Variants in PUS3 observed in about 807,000 individuals in gnomAD.
PUS3 encodes pseudouridine synthase 3.
In PUS3, 36 loss-of-function variants were observed where a neutral mutation model predicts 43.3. That is an observed-to-expected ratio of 0.83 (90% confidence interval 0.64 to 1.10). The LOEUF is 1.10. PUS3 is among the 50% of genes least tolerant of loss of function. The pLI is 0.00. For missense variants in PUS3, 544 were observed against 589.9 expected, an observed-to-expected ratio of 0.92 and a Z score of 0.81; for synonymous variants, 183 against 199.2, an observed-to-expected ratio of 0.92 and a Z score of 0.69.
intron 1 of PUS3, chr11:125,900,648 GA>G: frequency 7.6e-6 from 2 of 262,898 alleles, no homozygotes; most frequent in Admixed American, 5.2e-5. Flanking sequence ...GGAAATTCAT[GA>G]ACTTGAACAT....
At chr11:125,902,107 T>G (rs1944788638) in intron 1 of PUS3, among the ~76,000 whole-genome samples, 2 of 152,092 alleles carry the variant, frequency 1.3e-5, no homozygotes, top group South Asian at 4.2e-4. Context: ...TAAGGCAGAT[T>G]TGTGGCAAAA....
At chr11:125,901,008 CAAAAAAAA>C (rs10533810) in intron 1 of PUS3, among the ~76,000 whole-genome samples, 1 of 125,652 alleles carries the variant, frequency 8.0e-6, no homozygotes, top group South Asian at 2.6e-4. Context: ...GACTCCGTCT[CAAAAAAAA>C]AAAAAAAAAA....
At chr11:125,895,084 T>A (rs1436108390) in intron 3 of PUS3, 140 bp downstream of exon 3, 2 of 539,516 alleles carry the variant, frequency 3.7e-6, no homozygotes, top group Non-Finnish European at 3.1e-6. Flanking sequence ...TCTCCCTCTG[T>A]CACCCATGCT....
At chr11:125,902,384 A>C (rs866702703) in intron 1 of PUS3, among the ~76,000 whole-genome samples, 1 of 39,806 alleles carries the variant, frequency 2.5e-5, no homozygotes, top group Admixed American at 2.7e-4. Context: ...GGCGGGGGGG[A>C]GGGGGGGTCG....
In PUS3 at chr11:125,895,571, G is replaced by A; in HGVS notation, c.597C>T (p.Phe199=). Residue 199 remains phenylalanine (F), a synonymous_variant, in exon 3 of 4, where the codon TTC becomes TTT. Coordinates refer to ENST00000227474, the MANE Select transcript of PUS3 (RefSeq NM_031307.4). ...TTACAATATCTAAATCAGCACGAGG[G>A]AAAAAATAGCGGTAAGTCCGCTCAA... The part of the protein sequence containing the change: ...SCLERTYRYF[F]PRADLDIVTM... The A allele has an allele frequency of 6.2e-7, 1 of 1,614,202 alleles. No homozygotes were observed. Among genetic ancestry groups the A allele is most frequent in the African/African-American group, 1.3e-5 (1 of 75,064 alleles).
chr11:125,902,567 C>T (rs1471316754), intron 1 of PUS3, among the ~76,000 whole-genome samples: 1 of 147,386 alleles, frequency 6.8e-6, no homozygotes, highest in Non-Finnish European at 1.5e-5. Flanking sequence ...GAGCAGTGAT[C>T]ACGCCACTTC....
In PUS3 at chr11:125,893,912, T is replaced by C. The variant is rs192021619; in HGVS notation, c.1319A>G (p.His440Arg). ...TTTTGTTTCTTCCTCATGGAATAAA[T>C]GTGGGTGCTCAATTCGTCCCCTACG... is the stretch of plus-strand genomic sequence containing the variant. Reference protein sequence around the residue: ...FVRRGRIEHPHLFHEEETKAK... With the variant: ...FVRRGRIEHPRLFHEEETKAK... Residue 440 changes from histidine to arginine, a missense_variant, in exon 4 of 4, where the codon CAT becomes CGT. Transcript: ENST00000227474. The C allele has an allele frequency of 1.1e-5, 18 of 1,614,172 alleles. No individual in the cohort carries two copies. The East Asian group carries it at 3.8e-4, about 34-fold the overall frequency.
At chr11:125,901,206 A>C (rs1358068681) in intron 1 of PUS3, among the ~76,000 whole-genome samples, 1 of 152,136 alleles carries the variant, frequency 6.6e-6, no homozygotes, top group Non-Finnish European at 1.5e-5. Context: ...TTTCAGAATT[A>C]TTTCATTAAT....
Position 125,893,519 on chromosome 11 carries a change from C to A in PUS3, c.*266G>T. On this transcript the variant is annotated 3_prime_UTR_variant, in exon 4 of 4. Coordinates refer to ENST00000227474, the MANE Select transcript of PUS3 (RefSeq NM_031307.4). ...GATTAGGCTTTAATGAATTTGAATA[C>A]AAGGCACAGGTTTCCAGGTGTATGT... The A allele has an allele frequency of 3.4e-6, 1 of 298,464 alleles. No homozygotes were observed. 18.5% of individuals were successfully genotyped at this position (298,464 alleles called of 1,614,324 possible). A position where few individuals can be genotyped will look rare whatever the true frequency, so the allele number is the denominator to read the frequency against.
intron 1 of PUS3, chr11:125,900,992 C>A (rs1944755549): frequency 1.7e-5 from 2 of 118,234 alleles, no homozygotes; most frequent in African/African-American, 6.7e-5. Flanking sequence ...GCCTGGGCGA[C>A]AGCGAGACTC....
In PUS3 at chr11:125,894,011, T is replaced by C. The variant is rs2134239936; in HGVS notation, c.1220A>G (p.Lys407Arg). The change falls in exon 4 of 4, where the codon AAG (lysine) becomes AGG (arginine). Residue 407 changes from lysine to arginine, a missense_variant. Physicochemically the swap from Lys to Arg is conservative, Grantham distance 26. Coordinates refer to ENST00000227474, the MANE Select transcript of PUS3 (RefSeq NM_031307.4). ...KQTSAFVEGV[K>R]MRTYKPLMDR... ...CATGAGGGGCTTATATGTGCGCATCTTCACTCCTTCTACAAAGGCACTGGT... is the reference window on the plus strand; with the variant it reads ...CATGAGGGGCTTATATGTGCGCATCCTCACTCCTTCTACAAAGGCACTGGT... 2 of 1,614,208 alleles carry C rather than the reference T, an allele frequency of 1.2e-6. No individual in the cohort carries two copies. Among genetic ancestry groups the C allele is most frequent in the Non-Finnish European group, 1.7e-6 (2 of 1,180,032 alleles).
rs141661676 is a variant in PUS3 at position 125,894,501 on chromosome 11, A to G, written c.945-215T>C. On this transcript the variant is annotated intron_variant, in intron 3 of 3. Transcript: ENST00000227474. ...AACAAATCATAGATCAACCTGATCT[A>G]TGTAAGGTAAATGTCAGTGCTAACA... Among the ~76,000 whole-genome samples the G allele has an allele frequency of 1.2e-4, 18 of 152,318 alleles. 1 individual carries two copies. The East Asian group carries it at 3.1e-3, about 26-fold the overall frequency.
intron 1 of PUS3, 111 bp from the exon 2 acceptor site, chr11:125,896,441 A>C: frequency 1.3e-6 from 1 of 755,526 alleles, no homozygotes; most frequent in Non-Finnish European, 2.1e-6. Context: ...TTGCTTTTCC[A>C]GGAATACAAG....
intron 1 of PUS3, among the ~76,000 whole-genome samples, chr11:125,902,239 A>G (rs1944793759): frequency 6.6e-6 from 1 of 152,138 alleles, no homozygotes; most frequent in Non-Finnish European, 1.5e-5. Context: ...AAGTAACCAC[A>G]GAGAGGGAAT....
chr11:125,899,717 G>A, intron 1 of PUS3: 1 of 1,614,174 alleles, frequency 6.2e-7, no homozygotes. Flanking sequence ...GATTATCAGT[G>A]AATCAGAATC....
chr11:125,894,629 G>T (rs1420474252), intron 3 of PUS3, among the ~76,000 whole-genome samples: 5 of 152,058 alleles, frequency 3.3e-5, no homozygotes, highest in Admixed American at 2.6e-4. Flanking sequence ...AAAATTATTG[G>T]TATCTATCTC....
At chr11:125,901,479 T>C (rs1024878157) in intron 1 of PUS3, among the ~76,000 whole-genome samples, 1 of 152,200 alleles carries the variant, frequency 6.6e-6, no homozygotes, top group Non-Finnish European at 1.5e-5. Context: ...CCATCTAAAA[T>C]CTGAAAGTTG....
rs1281647965 is a variant in PUS3, at chr11:125,894,211, A to G, written c.1020T>C (p.Ala340=). 9 of 1,613,752 alleles carry G rather than the reference A, an allele frequency of 5.6e-6. No individual in the cohort carries two copies. The highest frequency in any genetic ancestry group is 7.6e-6 in the Non-Finnish European group (9 of 1,179,818). ...GTAGGTGGGTAATATTGAACTCCTG[A>G]GCCTCCTGGTCATAGATCCACTTGA... ...ENVKWIYDQE[A]QEFNITHLQQ... is the part of the protein sequence containing the mutation. Residue 340 remains alanine (A), a synonymous_variant, in exon 4 of 4, where the codon GCT becomes GCC. Coordinates refer to ENST00000227474, the MANE Select transcript of PUS3 (RefSeq NM_031307.4).
chr11:125,899,049 C>A, intron 1 of PUS3: 3 of 308,432 alleles, frequency 9.7e-6, no homozygotes, highest in African/African-American at 2.1e-5. Context: ...CAGTATGCCC[C>A]ATATCATGTA....
Sources: gnomAD v4.1 joint callset for allele counts (sites outside exome capture counted in the v4.1 genomes callset) on GRCh38, gnomAD v4.1.1 for gene constraint, MANE v1.5 for transcripts, NCBI Gene and HGNC (gene_info 2026-07-23, HGNC 2026-07-21) for gene names.